PAG1: variants seen among roughly 807,000 people sequenced by gnomAD.
The protein encoded by PAG1 is phosphoprotein associated with glycosphingolipid-enriched microdomains 1.
PAG1 carries 23 observed loss-of-function variants against 31.7 expected under a neutral mutation model. That is an observed-to-expected ratio of 0.73 (90% CI 0.52 to 1.03). PAG1 has a LOEUF of 1.03. Among genes scored for constraint, PAG1 ranks in the 50% least tolerant of loss-of-function variants. PAG1 has a pLI of 0.00. For missense variants in PAG1, 473 were observed against 540.7 expected (o/e 0.87, Z 1.24); for synonymous variants, 214 against 210.3 (o/e 1.02, Z -0.15).
intron 2 of PAG1, among the ~76,000 whole-genome samples, chr8:81,050,233 A>G (rs1408933855): frequency 6.6e-6 from 1 of 152,230 alleles, no homozygotes; most frequent in Non-Finnish European, 1.5e-5. Context: ...TAAATTAAAA[A>G]TATCCTTCAG....
At chr8:81,024,633 C>G (rs1808244517) in intron 3 of PAG1, among the ~76,000 whole-genome samples, 1 of 152,190 alleles carries the variant, frequency 6.6e-6, no homozygotes, top group Admixed American at 6.5e-5. Flanking sequence ...GGCCATACCA[C>G]AGAGTTAAAA....
intron 2 of PAG1, among the ~76,000 whole-genome samples, chr8:81,055,343 C>T (rs1808801581): frequency 6.6e-6 from 1 of 152,116 alleles, no homozygotes; most frequent in African/African-American, 2.4e-5. Context: ...ATAAAATAAA[C>T]ATTTGGAGAA....
At chr8:81,078,282 A>T (rs1347325775) in intron 1 of PAG1, among the ~76,000 whole-genome samples, 1 of 152,242 alleles carries the variant, frequency 6.6e-6, no homozygotes. Context: ...TCTAAAAAGA[A>T]TTGAGGTCAA....
intron 3 of PAG1, among the ~76,000 whole-genome samples, chr8:81,028,846 C>G (rs1808329331): frequency 1.3e-5 from 2 of 152,156 alleles, no homozygotes; most frequent in Non-Finnish European, 1.5e-5. Context: ...AAATTCTCCT[C>G]TAATGTACAG....
intron 1 of PAG1, among the ~76,000 whole-genome samples, chr8:81,087,526 T>C (rs1385668110): frequency 6.6e-6 from 1 of 152,152 alleles, no homozygotes. Context: ...AAAACCCAAA[T>C]GTCTATCAAC....
intron 1 of PAG1, among the ~76,000 whole-genome samples, chr8:81,084,600 G>C (rs931272020): frequency 6.6e-6 from 1 of 152,160 alleles, no homozygotes; most frequent in South Asian, 2.1e-4. Flanking sequence ...TAATACGAGA[G>C]GTTTTTAGTT....
At chr8:81,076,829 A>C (rs1172220199) in intron 1 of PAG1, among the ~76,000 whole-genome samples, 1 of 152,236 alleles carries the variant, frequency 6.6e-6, no homozygotes, top group Non-Finnish European at 1.5e-5. Context: ...TACTGTCTCT[A>C]TACATATTTC....
At position 81,069,504 on chromosome 8, in the gene PAG1, C is replaced by T. The variant is rs561615485; in HGVS notation, c.-175+608G>A. 4.6e-5 allele frequency among the ~76,000 whole-genome samples: 7 copies of T among 152,300 alleles called. No individual in the cohort carries two copies. The East Asian group carries it at 1.3e-3, about 29-fold the overall frequency. Reference sequence around the variant, plus strand: ...GTAAATGAATTTCTAAAATAAAAGACAGAATGTCTTTGTGTTAACCTGTTC... The same window carrying T: ...GTAAATGAATTTCTAAAATAAAAGATAGAATGTCTTTGTGTTAACCTGTTC... On this transcript the variant is annotated intron_variant, in intron 2 of 8. Transcript: ENST00000220597.
intron 1 of PAG1, among the ~76,000 whole-genome samples, chr8:81,082,856 C>T (rs191765187): frequency 3.9e-5 from 6 of 151,956 alleles, no homozygotes; most frequent in Non-Finnish European, 7.4e-5. Flanking sequence ...GTTTTAAAAT[C>T]CTTAGCAGAC....
intron 1 of PAG1, among the ~76,000 whole-genome samples, chr8:81,086,528 CA>C (rs1172489702): frequency 6.6e-6 from 1 of 150,720 alleles, no homozygotes; most frequent in Non-Finnish European, 1.5e-5. Flanking sequence ...TGTGTGTGTG[CA>C]TAAAAGGATG....
In PAG1 at chr8:80,976,487, C is replaced by T. The variant is rs914429016; in HGVS notation, c.*57G>A. ...GGTTTGTGTCACTTCTTCTCTTCCA[C>T]AGAAGAAACGTCTCCAGACACTGAT... On this transcript the variant is annotated 3_prime_UTR_variant, in exon 9 of 9. Transcript: ENST00000220597. The T allele has an allele frequency of 1.3e-6, 2 of 1,514,568 alleles. No individual in the cohort carries two copies. The highest frequency in any genetic ancestry group is 8.9e-7 in the Non-Finnish European group (1 of 1,128,664). The allele number at this position is 1,514,568 out of a possible 1,614,324, so 93.8% of individuals were successfully genotyped here.
At chr8:81,088,616 G>A (rs1164188538) in intron 1 of PAG1, among the ~76,000 whole-genome samples, 1 of 152,142 alleles carries the variant, frequency 6.6e-6, no homozygotes, top group Non-Finnish European at 1.5e-5. Flanking sequence ...AGAAAATAGT[G>A]GGAAAGTACT....
At chr8:81,038,704 T>C (rs1808503814) in intron 2 of PAG1, among the ~76,000 whole-genome samples, 1 of 152,148 alleles carries the variant, frequency 6.6e-6, no homozygotes, top group Admixed American at 6.5e-5. Flanking sequence ...ATTTGACCAC[T>C]TCAATCTTAG....
At chr8:81,087,850 C>T (rs1809385618) in intron 1 of PAG1, among the ~76,000 whole-genome samples, 1 of 152,162 alleles carries the variant, frequency 6.6e-6, no homozygotes, top group African/African-American at 2.4e-5. Flanking sequence ...CCAAATAAGC[C>T]ATTTTGTATG....
At chr8:81,092,861 T>A (rs934970719) in intron 1 of PAG1, among the ~76,000 whole-genome samples, 2 of 152,224 alleles carry the variant, frequency 1.3e-5, no homozygotes. Flanking sequence ...AGAAATTATA[T>A]GAGAATTGAC....
In PAG1 at chr8:81,055,225, G is replaced by A. The variant is rs530008719; in HGVS notation, c.-175+14887C>T. On this transcript the variant is annotated intron_variant, in intron 2 of 8. Coordinates refer to ENST00000220597, the MANE Select transcript of PAG1 (RefSeq NM_018440.4). ...ACTACAGGAATGTACCACCATGCCT[G>A]GCTAATTTTTAATTTTTTTTTACAG... is the stretch of plus-strand genomic sequence containing the variant. 3.8e-4 allele frequency among the ~76,000 whole-genome samples: 58 copies of A among 151,920 alleles called. 1 individual carries two copies. The highest frequency in any genetic ancestry group is 7.1e-4 in the Non-Finnish European group (48 of 67,958).
At chr8:81,106,258 C>A (rs1454890377) in intron 1 of PAG1, among the ~76,000 whole-genome samples, 2 of 152,112 alleles carry the variant, frequency 1.3e-5, no homozygotes, top group African/African-American at 2.4e-5. Flanking sequence ...GTTGGCCAGG[C>A]TGGTCTCGAA....
In PAG1 at chr8:80,993,324, G is replaced by A. The variant is rs1807598948; in HGVS notation, c.-80-17C>T. On this transcript the variant is annotated splice_polypyrimidine_tract_variant and intron_variant, in intron 3 of 8. Coordinates refer to ENST00000220597, the MANE Select transcript of PAG1 (RefSeq NM_018440.4). Reference sequence around the variant, plus strand: ...AGCTGTGTCCTGCAAAGAGACCAGTGCGTTTGGAGAGTAATTCTCGGGTAA... The same window carrying A: ...AGCTGTGTCCTGCAAAGAGACCAGTACGTTTGGAGAGTAATTCTCGGGTAA... The A allele has an allele frequency of 8.0e-7, 1 of 1,253,562 alleles. No homozygotes were observed. The highest frequency in any genetic ancestry group is 1.6e-5 in the South Asian group (1 of 64,242). 77.7% of individuals were successfully genotyped at this position (1,253,562 alleles called of 1,614,324 possible).
intron 2 of PAG1, among the ~76,000 whole-genome samples, chr8:81,032,650 G>C (rs1256774031): frequency 6.6e-6 from 1 of 152,216 alleles, no homozygotes; most frequent in African/African-American, 2.4e-5. Context: ...CAGCTGCTTT[G>C]AAACAGTCTG....
Sources: allele counts gnomAD v4.1 joint callset (sites outside exome capture counted in the v4.1 genomes callset), GRCh38; gene constraint gnomAD v4.1.1; transcripts MANE v1.5; gene names NCBI Gene and HGNC (gene_info 2026-07-23, HGNC 2026-07-21).